POLN: variants seen among roughly 807,000 people sequenced by gnomAD.
POLN encodes DNA polymerase nu.
In POLN, 108 loss-of-function variants were observed where a neutral mutation model predicts 113.5. The ratio of observed to expected loss-of-function variants is 0.95; its 90% CI spans 0.81 to 1.12. POLN has a LOEUF of 1.12. Ranked by LOEUF, POLN falls within the 50% of genes most tolerant of loss-of-function variation. POLN has a pLI of 0.00. For synonymous variants in POLN, 386 were observed against 391.5 expected, an observed-to-expected ratio of 0.99 and a Z score of 0.17; for missense variants, 1,097 against 1,077.1, an observed-to-expected ratio of 1.02 and a Z score of -0.26.
chr4:2,129,705 A>T (rs1035492199), intron 17 of POLN, among the ~76,000 whole-genome samples: 3 of 152,220 alleles, frequency 2.0e-5, no homozygotes, highest in Non-Finnish European at 2.9e-5. Flanking sequence ...AATGTAATTT[A>T]AAAATAACAT....
chr4:2,074,745 T>C (rs934263254), intron 24 of POLN, among the ~76,000 whole-genome samples: 2 of 152,146 alleles, frequency 1.3e-5, no homozygotes, highest in Non-Finnish European at 2.9e-5. Context: ...CACGTGAAGC[T>C]GCCCCGGCTG....
chr4:2,077,496 G>A (rs1408233455), intron 23 of POLN, among the ~76,000 whole-genome samples: 1 of 152,236 alleles, frequency 6.6e-6, no homozygotes, highest in Non-Finnish European at 1.5e-5. Flanking sequence ...CTGGCCAGGG[G>A]CCGTGGGCAC....
chr4:2,186,863 C>A lies in POLN; in HGVS notation c.1021+6341G>T, dbSNP rs550463749. ...CAGTTTTAAGGAAACTCAGTGATCT[C>A]TAAAATAACACAGAAAAACCCAGAA... On this transcript the variant is annotated intron_variant, in intron 7 of 25. Transcript: ENST00000511885. Among the ~76,000 whole-genome samples the A allele has an allele frequency of 8.5e-5, 13 of 152,228 alleles. No individual in the cohort carries two copies. In the South Asian group the frequency reaches 2.1e-3, roughly 24 times the overall value.
At position 2,176,440 on chromosome 4, in the gene POLN, A is replaced by G. The variant is rs909343721; in HGVS notation, c.1180-106T>C. 13 of 868,106 alleles carry G rather than the reference A, an allele frequency of 1.5e-5. 1 individual carries two copies. Among genetic ancestry groups the G allele is most frequent in the East Asian group, 1.1e-4 (4 of 36,456 alleles). 53.8% of individuals were successfully genotyped at this position (868,106 alleles called of 1,614,324 possible). On this transcript the variant is annotated intron_variant, in intron 8 of 25. Coordinates refer to ENST00000511885, the MANE Select transcript of POLN (RefSeq NM_181808.4). ...GAAAAATGTTTCCTAGTAAAATCCCATGAGGTTTTCAATGGCAGATGTCAT... is the reference window on the plus strand; with the variant it reads ...GAAAAATGTTTCCTAGTAAAATCCCGTGAGGTTTTCAATGGCAGATGTCAT...
chr4:2,077,221 A>G (rs528720122), intron 23 of POLN, among the ~76,000 whole-genome samples: 1 of 152,328 alleles, frequency 6.6e-6, no homozygotes, highest in East Asian at 1.9e-4. Context: ...CCAGGGAGCC[A>G]GAGGGACTTC....
rs182720900 is a variant in POLN at position 2,136,934 on chromosome 4, C to T, written c.1732-5644G>A. Among the ~76,000 whole-genome samples, 8 of 152,354 alleles carry T rather than the reference C, an allele frequency of 5.3e-5. No homozygotes were observed. The South Asian group carries it at 1.0e-3, about 20-fold the overall frequency. On this transcript the variant is annotated intron_variant, in intron 16 of 25. Coordinates refer to ENST00000511885, the MANE Select transcript of POLN (RefSeq NM_181808.4). ...GCCAGCCTGAGGGCATGCTGGCTCT[C>T]CTTGTCTTGAGAAAGCTGTGGCAGT...
In POLN at chr4:2,208,325, C is replaced by A. The variant is rs866824644; in HGVS notation, c.376G>T (p.Ala126Ser). ...TGCCCCTTTTTCTGTAGAACTGAAGCCTCTTGATTATACTGTGGAATTAAA... is the reference window on the plus strand; with the variant it reads ...TGCCCCTTTTTCTGTAGAACTGAAGACTCTTGATTATACTGTGGAATTAAA... ...SCLIPQYNQEASVLQKKGHKR... is the reference protein window; with the variant it reads ...SCLIPQYNQESSVLQKKGHKR... Residue 126 changes from alanine to serine, a missense_variant, in exon 5 of 26, where the codon GCT becomes TCT. By Grantham distance (99) the Ala-to-Ser change is moderately conservative. Transcript: ENST00000511885. 5.0e-6 allele frequency: 8 copies of A among 1,610,192 alleles called. No homozygotes were observed. In the Middle Eastern group the frequency reaches 1.2e-3, roughly 233 times the overall value.
In POLN at chr4:2,241,764, G is replaced by T; in HGVS notation, c.-257C>A. On this transcript the variant is annotated 5_prime_UTR_variant, in exon 2 of 26. Coordinates refer to ENST00000511885, the MANE Select transcript of POLN (RefSeq NM_181808.4). ...CAGCGGCAAAACCTTCCTTCGGAGG[G>T]TCACCCAGCTGTGACACCTAAGCAC... 1.0e-6 allele frequency: 1 copy of T among 985,474 alleles called. No homozygotes were observed. Among genetic ancestry groups the T allele is most frequent in the Non-Finnish European group, 1.2e-6 (1 of 829,950 alleles). The allele number at this position is 985,474 out of a possible 1,614,324, so 61.0% of individuals were successfully genotyped here. A position where few individuals can be genotyped will look rare whatever the true frequency, so the allele number is the denominator to read the frequency against.
intron 16 of POLN, among the ~76,000 whole-genome samples, chr4:2,150,246 T>G (rs955561925): frequency 6.6e-6 from 1 of 152,108 alleles, no homozygotes; most frequent in Non-Finnish European, 1.5e-5. Context: ...AATATTAAAT[T>G]ATATTTTTAT....
intron 15 of POLN, 93 bp downstream of exon 15, chr4:2,157,765 A>G (rs1732472899): frequency 1.5e-6 from 1 of 657,290 alleles, no homozygotes; most frequent in Non-Finnish European, 2.4e-6. Context: ...AGACGATTTC[A>G]TCATTTACTA....
intron 10 of POLN, 134 bp from the exon 11 acceptor site, chr4:2,174,153 C>T (rs765586595): frequency 1.1e-5 from 9 of 809,062 alleles, no homozygotes; most frequent in Non-Finnish European, 1.9e-5. Flanking sequence ...TGCATGCCAA[C>T]CTCTGCACAG....
chr4:2,092,650 C>A (rs1730696140), intron 20 of POLN, among the ~76,000 whole-genome samples: 1 of 152,252 alleles, frequency 6.6e-6, no homozygotes, highest in Non-Finnish European at 1.5e-5. Context: ...ACAGTCTTCA[C>A]AATAGTCATG....
chr4:2,205,872 C>T (rs1733830202), intron 5 of POLN, among the ~76,000 whole-genome samples: 1 of 116,186 alleles, frequency 8.6e-6, no homozygotes, highest in South Asian at 2.6e-4. Context: ...GAGACTCTGT[C>T]TCAAAAAAAA....
chr4:2,194,324 A>G (rs1034549643), intron 6 of POLN, among the ~76,000 whole-genome samples: 1 of 152,212 alleles, frequency 6.6e-6, no homozygotes, highest in Non-Finnish European at 1.5e-5. Flanking sequence ...AGGAAGAAAG[A>G]AATCAAGAGC....
intron 5 of POLN, among the ~76,000 whole-genome samples, chr4:2,207,693 G>A (rs1001518781): frequency 6.6e-6 from 1 of 151,986 alleles, no homozygotes; most frequent in East Asian, 1.9e-4. Flanking sequence ...ATACCACTTC[G>A]GAATCACTGG....
intron 3 of POLN, among the ~76,000 whole-genome samples, chr4:2,222,843 C>G (rs1189305949): frequency 6.6e-6 from 1 of 152,094 alleles, no homozygotes; most frequent in African/African-American, 2.4e-5. Flanking sequence ...CCAGACAAAC[C>G]CACCTTGAGC....
At chr4:2,096,728 G>GAC (rs1205208262) in intron 19 of POLN, among the ~76,000 whole-genome samples, 5 of 147,872 alleles carry the variant, frequency 3.4e-5, no homozygotes, top group African/African-American at 1.0e-4. Context: ...GAGAGAGAGA[G>GAC]AGACACACAG....
chr4:2,087,280 T>G (rs1730571928), intron 20 of POLN, among the ~76,000 whole-genome samples: 1 of 152,236 alleles, frequency 6.6e-6, no homozygotes, highest in Non-Finnish European at 1.5e-5. Flanking sequence ...TTATGTGTTT[T>G]GCTACACTTT....
intron 3 of POLN, chr4:2,227,410 C>T (rs780954708): frequency 2.0e-5 from 3 of 152,150 alleles, no homozygotes; most frequent in Non-Finnish European, 4.4e-5. Context: ...TTGCAGAGGA[C>T]CTAGCAGAGT....
Sources: allele counts gnomAD v4.1 joint callset (sites outside exome capture counted in the v4.1 genomes callset), GRCh38; gene constraint gnomAD v4.1.1; transcripts MANE v1.5; gene names NCBI Gene and HGNC (gene_info 2026-07-23, HGNC 2026-07-21).